IGF2R: variants seen among roughly 807,000 people sequenced by gnomAD.
IGF2R encodes the protein cation-independent mannose-6-phosphate receptor.
Under a neutral mutation model 270.6 loss-of-function variants are expected in IGF2R, and 91 were observed. That is an observed-to-expected ratio of 0.34 (90% CI 0.28 to 0.40). IGF2R has a LOEUF of 0.40. Ranked by LOEUF, IGF2R falls within the 10% of genes least tolerant of loss-of-function variation. IGF2R has a pLI of 1.00. For missense variants in IGF2R, 2,805 were observed against 3,188.3 expected (o/e 0.88, Z 2.90); for synonymous variants, 1,316 against 1,258.9 (o/e 1.05, Z -0.96).
rs1255851521 is a variant in IGF2R at position 160,069,910 on chromosome 6, C to T, written c.4295C>T (p.Ser1432Phe). 3 of 1,614,058 alleles carry T rather than the reference C, an allele frequency of 1.9e-6. No homozygotes were observed. Among genetic ancestry groups the T allele is most frequent in the East Asian group, 2.2e-5 (1 of 44,902 alleles). ...PEAAACLLGGSKPVNLGRVRD... is the reference protein window; with the variant it reads ...PEAAACLLGGFKPVNLGRVRD... ...GCAGCCGCGTGTCTGCTGGGTGGCT[C>T]CAAGCCCGTGAACCTCGGCAGGGTA... Residue 1432 changes from serine (S) to phenylalanine (F), a missense_variant, in exon 31 of 48, where the codon TCC (serine) becomes TTC (phenylalanine). Ser to Phe is a radical substitution (Grantham distance 155, BLOSUM62 -2). Around this residue, in one of 2 missense-constraint regions of IGF2R, gnomAD observed 1,851 missense variants for 2,207.2 expected, o/e 0.84. Coordinates refer to ENST00000356956, the MANE Select transcript of IGF2R (RefSeq NM_000876.4).
In IGF2R at chr6:160,004,772, C is replaced by T. The variant is rs982009888; in HGVS notation, c.290-4238C>T. ...GGCCTGGTGAGTGTGTGAGCATGGC[C>T]TAGAGTGTCACCAAACCAAAGTGGA... On this transcript the variant is annotated intron_variant, in intron 2 of 47. Transcript: ENST00000356956. The surrounding 1 kb of genome is among the most constrained non-coding windows in gnomAD (Gnocchi z 5.2). The T allele has an allele frequency of 6.6e-6, 1 of 152,540 alleles. No homozygotes were observed. The highest frequency in any genetic ancestry group is 2.4e-5 in the African/African-American group (1 of 41,326). The allele number at this position is 152,540 out of a possible 1,614,324, so 9.4% of individuals were successfully genotyped here.
intron 1 of IGF2R, among the ~76,000 whole-genome samples, chr6:159,982,918 AAG>A (rs757999889): frequency 6.6e-6 from 1 of 152,198 alleles, no homozygotes; most frequent in Admixed American, 6.5e-5. Flanking sequence ...TTTAAAAGGA[AAG>A]AACTCCAAAT....
intron 29 of IGF2R, among the ~76,000 whole-genome samples, chr6:160,065,782 ATGTGTGTGTG>A (rs57759831): frequency 1.3e-4 from 12 of 93,204 alleles, no homozygotes; most frequent in East Asian, 5.7e-4. Context: ...AGATATGTGT[ATGTGTGTGTG>A]TGTGTGTGTG....
At chr6:160,072,448 A>G (rs1366283595) in intron 32 of IGF2R, among the ~76,000 whole-genome samples, 1 of 152,238 alleles carries the variant, frequency 6.6e-6, no homozygotes, top group African/African-American at 2.4e-5. Flanking sequence ...GCACAGGCAC[A>G]GTCCATTGGC....
intron 1 of IGF2R, among the ~76,000 whole-genome samples, chr6:159,982,342 A>C (rs1783818934): frequency 6.6e-6 from 1 of 152,196 alleles, no homozygotes; most frequent in South Asian, 2.1e-4. Context: ...GACAGTAGTG[A>C]GCCAGGTGAT....
At chr6:160,026,024 G>A (rs1483956342) in intron 5 of IGF2R, among the ~76,000 whole-genome samples, 1 of 152,130 alleles carries the variant, frequency 6.6e-6, no homozygotes, top group African/African-American at 2.4e-5. Flanking sequence ...CCATTCCCAG[G>A]AAATTGCCCT....
intron 9 of IGF2R, 108 bp from the exon 10 acceptor site, chr6:160,034,311 G>C: frequency 3.0e-6 from 2 of 659,496 alleles, no homozygotes; most frequent in Admixed American, 4.4e-5. Context: ...TAGATCCGTA[G>C]TGATTTGTTG....
chr6:160,054,768 C>T (rs768740386), intron 19 of IGF2R, among the ~76,000 whole-genome samples: 13 of 152,138 alleles, frequency 8.5e-5, no homozygotes, highest in Non-Finnish European at 1.6e-4. Flanking sequence ...ATACCAGGGT[C>T]ATGTGTTTTT....
At chr6:159,981,448 C>T (rs552212418) in intron 1 of IGF2R, among the ~76,000 whole-genome samples, 17 of 152,320 alleles carry the variant, frequency 1.1e-4, no homozygotes, top group Admixed American at 3.3e-4. Context: ...AGTTCCTTGC[C>T]AGTGTCATGT....
At chr6:159,978,805 C>T (rs756025015) in intron 1 of IGF2R, among the ~76,000 whole-genome samples, 8 of 152,154 alleles carry the variant, frequency 5.3e-5, no homozygotes, top group Non-Finnish European at 7.3e-5. Flanking sequence ...TGAACCTGGC[C>T]GTTCAGCCAG....
intron 10 of IGF2R, among the ~76,000 whole-genome samples, chr6:160,038,093 A>C (rs1777866008): frequency 6.6e-6 from 1 of 152,116 alleles, no homozygotes. Context: ...TTAGGCAGAG[A>C]GCTCCTTGGT....
At chr6:160,044,245 G>T (rs557519533) in intron 12 of IGF2R, among the ~76,000 whole-genome samples, 181 of 152,322 alleles carry the variant, frequency 1.2e-3, no homozygotes, top group African/African-American at 4.2e-3. Context: ...AGGGCATTGT[G>T]CATCCTTCAT....
At chr6:160,039,825 C>T (rs188696159) in intron 10 of IGF2R, among the ~76,000 whole-genome samples, 20 of 152,162 alleles carry the variant, frequency 1.3e-4, no homozygotes, top group Admixed American at 6.5e-5. Flanking sequence ...GGGATGGGGA[C>T]GTGGCCTGTG....
In IGF2R at chr6:160,061,516, T is replaced by C. The variant is rs745869854; in HGVS notation, c.3276T>C (p.Asn1092=). ...GTTGTGTTTCAGACCTGGCTGGAAATGAGTACGACCTGACTGGCCTAAGCA... is the reference window on the plus strand; with the variant it reads ...GTTGTGTTTCAGACCTGGCTGGAAACGAGTACGACCTGACTGGCCTAAGCA... ...VDCQVTDLAG[N]EYDLTGLSTV... Residue 1092 remains asparagine, a synonymous_variant, in exon 24 of 48, where the codon AAT becomes AAC. Transcript: ENST00000356956. The C allele has an allele frequency of 6.2e-7, 1 of 1,613,832 alleles. No homozygotes were observed. The highest frequency in any genetic ancestry group is 8.5e-7 in the Non-Finnish European group (1 of 1,179,922).
intron 4 of IGF2R, among the ~76,000 whole-genome samples, chr6:160,018,797 C>G (rs1777363372): frequency 6.6e-6 from 1 of 151,888 alleles, no homozygotes; most frequent in Admixed American, 6.6e-5. Context: ...CAGCATAAAA[C>G]CTGCGGGATA....
chr6:160,095,314 C>T (rs1779329532), intron 44 of IGF2R: 1 of 152,564 alleles, frequency 6.6e-6, no homozygotes, highest in Non-Finnish European at 1.5e-5. Context: ...GCATTCACAC[C>T]TCTGCTGCAT....
chr6:160,079,436 A>T (rs1778927116), intron 37 of IGF2R, 144 bp from the exon 38 acceptor site: 2 of 511,356 alleles, frequency 3.9e-6, no homozygotes, highest in Non-Finnish European at 6.2e-6. Context: ...GGCCAAGGCG[A>T]TTGCGTGGCT....
At chr6:159,981,192 G>A (rs1472027608) in intron 1 of IGF2R, among the ~76,000 whole-genome samples, 6 of 152,214 alleles carry the variant, frequency 3.9e-5, no homozygotes, top group Non-Finnish European at 7.3e-5. Context: ...GGTGCAGGGC[G>A]GGCAGGCCAG....
Position 160,046,953 on chromosome 6 carries a change from T to C in IGF2R, c.2052-206T>C, listed in dbSNP as rs73596479. Among the ~76,000 whole-genome samples the C allele has an allele frequency of 6.4e-3, 970 of 152,204 alleles. 7 individuals are homozygous for C. Among genetic ancestry groups the C allele is most frequent in the African/African-American group, 0.022 (894 of 41,510 alleles). On this transcript the variant is annotated intron_variant, in intron 15 of 47. Transcript: ENST00000356956. ...GTAACTGCAGTTCAAATGAAGTGAG[T>C]TGTCTAAACCAGCGGTGCCAAGAGG...
Sources: gnomAD v4.1 joint callset for allele counts (sites outside exome capture counted in the v4.1 genomes callset) on GRCh38, gnomAD v4.1.1 for gene constraint, gnomAD v4.1.1 regional missense constraint, Gnocchi (gnomAD v3.1) non-coding constraint, MANE v1.5 for transcripts, NCBI Gene and HGNC (gene_info 2026-07-23, HGNC 2026-07-21) for gene names.